The following KCNK12 variants were observed in gnomAD, a reference collection of about 807,000 sequenced individuals.
KCNK12 encodes the protein potassium two pore domain channel subfamily K member 12.
A neutral mutation model predicts 25.3 loss-of-function variants in KCNK12; 6 were observed. That is an observed-to-expected ratio of 0.24 (90% CI 0.13 to 0.47). The LOEUF is 0.47. Among genes scored for constraint, KCNK12 ranks in the 20% least tolerant of loss-of-function variants. The pLI is 0.99. For synonymous variants in KCNK12, 331 were observed against 311.1 expected (o/e 1.06, Z -0.67); for missense variants, 444 against 661.7 (o/e 0.67, Z 3.61).
At chr2:47,523,072 G>A (rs770749236) in intron 1 of KCNK12, among the ~76,000 whole-genome samples, 24 of 152,152 alleles carry the variant, frequency 1.6e-4, no homozygotes, top group Non-Finnish European at 3.1e-4. Flanking sequence ...AATCCGAGCC[G>A]AACAACTGTT....
intron 1 of KCNK12, among the ~76,000 whole-genome samples, chr2:47,527,101 T>A (rs1404489345): frequency 6.6e-6 from 1 of 152,224 alleles, no homozygotes; most frequent in East Asian, 1.9e-4. Context: ...TGCTAGCATC[T>A]AAAGTTCATG....
At chr2:47,537,748 G>C (rs914871093) in intron 1 of KCNK12, among the ~76,000 whole-genome samples, 1 of 152,184 alleles carries the variant, frequency 6.6e-6, no homozygotes, top group Non-Finnish European at 1.5e-5. Context: ...GCACTGTTAA[G>C]TTTATAAATA....
Position 47,533,256 on chromosome 2 carries a change from C to T in KCNK12, c.392-11448G>A, listed in dbSNP as rs1668976532. On this transcript the variant is annotated intron_variant, in intron 1 of 1. Coordinates refer to ENST00000327876, the MANE Select transcript of KCNK12 (RefSeq NM_022055.2). This position sits in a 1 kb window ranked among gnomAD's most constrained non-coding sequence, Gnocchi z 4.7. ...CAACTCCTGACCTCAGGTGATCTGC[C>T]CACCTTGGCCTCCCAAAGTGCTGGG... is the stretch of plus-strand genomic sequence containing the variant. Among the ~76,000 whole-genome samples the T allele has an allele frequency of 3.3e-5, 5 of 151,836 alleles. No homozygotes were observed. Among genetic ancestry groups the T allele is most frequent in the Admixed American group, 3.3e-4 (5 of 15,258 alleles).
intron 1 of KCNK12, among the ~76,000 whole-genome samples, chr2:47,524,826 A>G (rs1055200953): frequency 2.0e-5 from 3 of 152,154 alleles, no homozygotes; most frequent in African/African-American, 7.2e-5. Context: ...CCATCACTGT[A>G]TAGGTGAGGG....
intron 1 of KCNK12, among the ~76,000 whole-genome samples, chr2:47,532,328 C>T (rs527261695): frequency 6.6e-6 from 1 of 151,622 alleles, no homozygotes; most frequent in East Asian, 1.9e-4. Flanking sequence ...CTCAATAAAT[C>T]TGTGCTTTTA....
At chr2:47,523,443 G>T (rs1668704259) in intron 1 of KCNK12, among the ~76,000 whole-genome samples, 2 of 152,194 alleles carry the variant, frequency 1.3e-5, no homozygotes, top group South Asian at 4.1e-4. Context: ...ATATCAAATT[G>T]CTTTGTTCTG....
Position 47,557,009 on chromosome 2 carries a change from G to A in KCNK12, c.391+12932C>T, listed in dbSNP as rs1440060348. ...GAGATGGTTAAGGAGCCCAGTTCTT[G>A]GATGCATCATCTGTGGGAGGCTGGA... On this transcript the variant is annotated intron_variant, in intron 1 of 1. Transcript: ENST00000327876. This position sits in a 1 kb window ranked among gnomAD's most constrained non-coding sequence, Gnocchi z 4.9. 1.3e-5 allele frequency among the ~76,000 whole-genome samples: 2 copies of A among 152,206 alleles called. No individual in the cohort carries two copies. The highest frequency in any genetic ancestry group is 2.9e-5 in the Non-Finnish European group (2 of 68,042).
chr2:47,539,797 C>A (rs1282602060), intron 1 of KCNK12, among the ~76,000 whole-genome samples: 4 of 152,184 alleles, frequency 2.6e-5, no homozygotes, highest in African/African-American at 9.7e-5. Context: ...GTTAAAGCCG[C>A]TTCCCGGGGA....
At chr2:47,522,662 T>C (rs1224305967) in intron 1 of KCNK12, among the ~76,000 whole-genome samples, 1 of 152,190 alleles carries the variant, frequency 6.6e-6, no homozygotes, top group Non-Finnish European at 1.5e-5. Context: ...TTTTTTCTAA[T>C]GGCAGAGAAA....
At chr2:47,536,784 C>T (rs1458897786) in intron 1 of KCNK12, among the ~76,000 whole-genome samples, 1 of 152,208 alleles carries the variant, frequency 6.6e-6, no homozygotes, top group Non-Finnish European at 1.5e-5. Context: ...AGGCTTCGCT[C>T]TGGATGGGAT....
At chr2:47,567,663 C>G (rs1669810223) in intron 1 of KCNK12, among the ~76,000 whole-genome samples, 1 of 152,180 alleles carries the variant, frequency 6.6e-6, no homozygotes, top group African/African-American at 2.4e-5. Context: ...CTCACAGAGG[C>G]CTGGTTCAAC....
Position 47,514,756 on chromosome 2 carries a change from G to A in KCNK12, c.*6151C>T, listed in dbSNP as rs529395694. Reference sequence around the variant, plus strand: ...CCCCTGAGTCTCTTGGACTCCAGGCGTGCACCACCATGACTGGCTAATTTT... The same window carrying A: ...CCCCTGAGTCTCTTGGACTCCAGGCATGCACCACCATGACTGGCTAATTTT... On this transcript the variant is annotated 3_prime_UTR_variant, in exon 2 of 2. Transcript: ENST00000327876. This position sits in a 1 kb window ranked among gnomAD's most constrained non-coding sequence, Gnocchi z 5.0. 1.3e-3 allele frequency among the ~76,000 whole-genome samples: 193 copies of A among 152,094 alleles called. 1 individual carries two copies. Among genetic ancestry groups the A allele is most frequent in the African/African-American group, 4.3e-3 (178 of 41,516 alleles).
chr2:47,543,742 C>G (rs980820710), intron 1 of KCNK12: 2 of 152,368 alleles, frequency 1.3e-5, no homozygotes, highest in Non-Finnish European at 2.9e-5. Context: ...GGCTAGCAAG[C>G]TCGGGATGGG....
chr2:47,559,601 G>A (rs774873758), intron 1 of KCNK12, among the ~76,000 whole-genome samples: 20 of 152,312 alleles, frequency 1.3e-4, no homozygotes, highest in Admixed American at 2.6e-4. Context: ...GTTATTAATT[G>A]TAACAGTGAC....
rs2104912070 is a variant in KCNK12, at chr2:47,570,275, G to A, written c.57C>T (p.Arg19=). The change falls in exon 1 of 2, where the codon CGC becomes CGT. Residue 19 remains arginine, a synonymous_variant. Coordinates refer to ENST00000327876, the MANE Select transcript of KCNK12 (RefSeq NM_022055.2). ...PPRRSRRRLP[R]PSCCCCCCRR... Reference sequence around the variant, plus strand: ...GGCAGCAGCAGCAGCAGCAGGAGGGGCGCGGCAGGCGGCGGCGGCTACGGC... The same window carrying A: ...GGCAGCAGCAGCAGCAGCAGGAGGGACGCGGCAGGCGGCGGCGGCTACGGC... The A allele has an allele frequency of 1.4e-6, 2 of 1,404,314 alleles. No homozygotes were observed. Among genetic ancestry groups the A allele is most frequent in the South Asian group, 1.5e-5 (1 of 67,996 alleles). 87.0% of individuals were successfully genotyped at this position (1,404,314 alleles called of 1,614,324 possible). A position where few individuals can be genotyped will look rare whatever the true frequency, so the allele number is the denominator to read the frequency against.
At position 47,510,547 on chromosome 2, in the gene KCNK12, G is replaced by C. The variant is rs1201979151; in HGVS notation, c.*10360C>G. 6.6e-6 allele frequency among the ~76,000 whole-genome samples: 1 copy of C among 152,098 alleles called. No homozygotes were observed. The highest frequency in any genetic ancestry group is 2.4e-5 in the African/African-American group (1 of 41,402). ...GGGTACACAAAAGTCAAGGCTCCAG[G>C]ATCTGCCCTGGGGGCTATCTCAACA... On this transcript the variant is annotated 3_prime_UTR_variant, in exon 2 of 2. Transcript: ENST00000327876.
In KCNK12 at chr2:47,551,851, A is replaced by G. The variant is rs1669440425; in HGVS notation, c.391+18090T>C. Among the ~76,000 whole-genome samples the G allele has an allele frequency of 6.6e-6, 1 of 152,220 alleles. No individual in the cohort carries two copies. The highest frequency in any genetic ancestry group is 2.1e-4 in the South Asian group (1 of 4,830). On this transcript the variant is annotated intron_variant, in intron 1 of 1. Coordinates refer to ENST00000327876, the MANE Select transcript of KCNK12 (RefSeq NM_022055.2). The surrounding 1 kb of genome is among the most constrained non-coding windows in gnomAD (Gnocchi z 5.3). Reference sequence around the variant, plus strand: ...AGTTCTGAATGACATGTGTCTCACTACAGTGGCATTACAGAGAAAGCCTGG... The same window carrying G: ...AGTTCTGAATGACATGTGTCTCACTGCAGTGGCATTACAGAGAAAGCCTGG...
Position 47,510,148 on chromosome 2 carries a change from A to G in KCNK12, c.*10759T>C, listed in dbSNP as rs545245298. 6.6e-6 allele frequency: 1 copy of G among 152,232 alleles called. No individual in the cohort carries two copies. The highest frequency in any genetic ancestry group is 1.5e-5 in the Non-Finnish European group (1 of 68,016). The allele number at this position is 152,232 out of a possible 1,614,324, so 9.4% of individuals were successfully genotyped here. A position where few individuals can be genotyped will look rare whatever the true frequency, so the allele number is the denominator to read the frequency against. ...GAGCATTTTTTACCTTCTCCCTGCT[A>G]CTTCTTGCTACTAGTAACATGGATG... is the stretch of plus-strand genomic sequence containing the variant. On this transcript the variant is annotated 3_prime_UTR_variant, in exon 2 of 2. Transcript: ENST00000327876.
In KCNK12 at chr2:47,551,031, G is replaced by C. The variant is rs376290523; in HGVS notation, c.391+18910C>G. 1.3e-5 allele frequency among the ~76,000 whole-genome samples: 2 copies of C among 152,012 alleles called. No homozygotes were observed. The highest frequency in any genetic ancestry group is 4.8e-5 in the African/African-American group (2 of 41,356). The stretch of plus-strand genomic sequence containing the variant: ...AAGTTTTGCCTCAGGATCTAATCAT[G>C]CTTCTTCTCAAAATCCTCCCGTGGC... On this transcript the variant is annotated intron_variant, in intron 1 of 1. Coordinates refer to ENST00000327876, the MANE Select transcript of KCNK12 (RefSeq NM_022055.2). The surrounding 1 kb of genome is among the most constrained non-coding windows in gnomAD (Gnocchi z 5.3).
Sources: gnomAD v4.1 joint callset for allele counts (sites outside exome capture counted in the v4.1 genomes callset) on GRCh38, gnomAD v4.1.1 for gene constraint, Gnocchi (gnomAD v3.1) non-coding constraint, MANE v1.5 for transcripts, NCBI Gene and HGNC (gene_info 2026-07-23, HGNC 2026-07-21) for gene names.